HYCC2: variants seen among roughly 807,000 people sequenced by gnomAD.
HYCC2 encodes hyccin 2.
chr2:201,005,718 G>C, the HYCC2 span, among the ~76,000 whole-genome samples: 2 of 152,184 alleles, frequency 1.3e-5, no homozygotes, highest in Admixed American at 1.3e-4. Flanking sequence ...CAGAAATAGA[G>C]ACCAACACGA....
the HYCC2 span, chr2:200,975,468 T>C: frequency 6.6e-6 from 1 of 152,054 alleles, no homozygotes; most frequent in Non-Finnish European, 1.5e-5. Flanking sequence ...GATTTCTTTA[T>C]TAGCCCTACT....
the HYCC2 span, among the ~76,000 whole-genome samples, chr2:201,058,150 A>G: frequency 1.3e-5 from 2 of 152,106 alleles, no homozygotes; most frequent in South Asian, 4.1e-4. Context: ...TCAGACCAAC[A>G]GTTGCCTCCT....
At chr2:201,069,350 G>C in the HYCC2 span, among the ~76,000 whole-genome samples, 2 of 152,138 alleles carry the variant, frequency 1.3e-5, no homozygotes, top group Non-Finnish European at 2.9e-5. Flanking sequence ...TGTTTCATCA[G>C]AGAGAACTTC....
the HYCC2 span, among the ~76,000 whole-genome samples, chr2:201,045,017 T>G: frequency 1.3e-5 from 2 of 152,246 alleles, no homozygotes; most frequent in African/African-American, 4.8e-5. Context: ...TTTTCAAACT[T>G]GACCAACAAC....
the HYCC2 span, among the ~76,000 whole-genome samples, chr2:200,990,464 T>C: frequency 6.6e-6 from 1 of 152,124 alleles, no homozygotes; most frequent in Non-Finnish European, 1.5e-5. Context: ...TGCAGTAGCA[T>C]GATCTCAGCC....
At chr2:201,010,185 A>G in the HYCC2 span, among the ~76,000 whole-genome samples, 1 of 152,094 alleles carries the variant, frequency 6.6e-6, no homozygotes, top group Non-Finnish European at 1.5e-5. Context: ...TTCATGATAC[A>G]CACAACTTAA....
the HYCC2 span, among the ~76,000 whole-genome samples, chr2:201,026,856 A>G: frequency 6.6e-6 from 1 of 152,242 alleles, no homozygotes; most frequent in Non-Finnish European, 1.5e-5. Context: ...CCCACAAGAG[A>G]AAGTAGGAAA....
chr2:201,061,902 T>C, the HYCC2 span, among the ~76,000 whole-genome samples: 1 of 151,484 alleles, frequency 6.6e-6, no homozygotes, highest in African/African-American at 2.4e-5. Flanking sequence ...GCCCAGAAGT[T>C]TGAGACCAGC....
At chr2:200,979,402 A>G in the HYCC2 span, 1 of 152,482 alleles carries the variant, frequency 6.6e-6, no homozygotes, top group African/African-American at 2.4e-5. Context: ...CCATTTTCAC[A>G]TGAGCTGGAA....
the HYCC2 span, chr2:200,976,483 C>A: frequency 6.6e-6 from 1 of 152,268 alleles, no homozygotes; most frequent in Non-Finnish European, 1.5e-5. Context: ...TTAAACGAGA[C>A]AACTGATTGT....
At chr2:201,048,428 G>A in the HYCC2 span, among the ~76,000 whole-genome samples, 1 of 151,656 alleles carries the variant, frequency 6.6e-6, no homozygotes, top group African/African-American at 2.4e-5. Flanking sequence ...CCCAGGGAGG[G>A]CTTTGAATAT....
the HYCC2 span, chr2:201,063,696 G>T: frequency 6.3e-7 from 1 of 1,576,290 alleles, no homozygotes; most frequent in Non-Finnish European, 8.6e-7. Context: ...GGAAACTTTG[G>T]TGGTGGTCGT....
the HYCC2 span, among the ~76,000 whole-genome samples, chr2:201,015,342 G>C: frequency 3.3e-5 from 5 of 152,082 alleles, no homozygotes; most frequent in African/African-American, 1.2e-4. Context: ...CAATCTTCAA[G>C]TTCCATGTAA....
the HYCC2 span, among the ~76,000 whole-genome samples, chr2:201,013,158 G>A: frequency 7.4e-3 from 1,118 of 151,960 alleles, 7 homozygotes; most frequent in African/African-American, 0.026. Context: ...AGACTGAGTA[G>A]CTGCATGGCC....
chr2:201,040,980 A>T, the HYCC2 span, among the ~76,000 whole-genome samples: 1 of 152,198 alleles, frequency 6.6e-6, no homozygotes, highest in Non-Finnish European at 1.5e-5. Context: ...GGTTAAGGTC[A>T]CTTACTAGCT....
the HYCC2 span, among the ~76,000 whole-genome samples, chr2:200,985,888 G>A: frequency 6.6e-6 from 1 of 152,084 alleles, no homozygotes; most frequent in Non-Finnish European, 1.5e-5. Flanking sequence ...TGGAAGGAAT[G>A]CTTCAATCTA....
At chr2:201,008,241 T>C in the HYCC2 span, among the ~76,000 whole-genome samples, 1 of 152,130 alleles carries the variant, frequency 6.6e-6, no homozygotes, top group Non-Finnish European at 1.5e-5. Flanking sequence ...GTGTACAGAG[T>C]AGATAAACTG....
At chr2:200,981,014 A>C in the HYCC2 span, 5 of 506,638 alleles carry the variant, frequency 9.9e-6, no homozygotes, top group Admixed American at 3.3e-5. This position sits in a 1 kb window ranked among gnomAD's most constrained non-coding sequence, Gnocchi z 4.5. Flanking sequence ...AGGAGAAAGG[A>C]AGGCATGGAA....
At chr2:201,036,132 A>G in the HYCC2 span, among the ~76,000 whole-genome samples, 1 of 152,224 alleles carries the variant, frequency 6.6e-6, no homozygotes, top group Non-Finnish European at 1.5e-5. Flanking sequence ...CAAACAAACT[A>G]GAAAATCTAG....
Sources: allele counts gnomAD v4.1 joint callset (sites outside exome capture counted in the v4.1 genomes callset), GRCh38; gene constraint gnomAD v4.1.1; non-coding constraint Gnocchi (gnomAD v3.1); transcripts MANE v1.5; gene names NCBI Gene and HGNC (gene_info 2026-07-23, HGNC 2026-07-21).